MAPK10: variants seen among roughly 807,000 people sequenced by gnomAD.
The protein encoded by MAPK10 is mitogen-activated protein kinase 10.
A neutral mutation model predicts 59.3 loss-of-function variants in MAPK10; 25 were observed. That is an observed-to-expected ratio of 0.42 (90% CI 0.31 to 0.59). The LOEUF (loss-of-function observed/expected upper bound fraction) is 0.59. MAPK10 is among the 20% of genes least tolerant of loss of function. The probability of loss-of-function intolerance (pLI) is 0.15; values close to 1 mark genes in which losing one functional copy is unlikely to be tolerated. For missense variants in MAPK10, 351 were observed against 568.9 expected (o/e 0.62, Z 3.90); for synonymous variants, 190 against 200.5 (o/e 0.95, Z 0.44).
At chr4:86,272,406 A>T (rs948238567) in intron 2 of MAPK10, among the ~76,000 whole-genome samples, 2 of 152,024 alleles carry the variant, frequency 1.3e-5, no homozygotes, top group Non-Finnish European at 2.9e-5. Context: ...ATCTCAAGGT[A>T]AAAAATATAT....
intron 1 of MAPK10, among the ~76,000 whole-genome samples, chr4:86,479,517 G>C (rs1037645163): frequency 6.7e-6 from 1 of 149,972 alleles, no homozygotes; most frequent in Non-Finnish European, 1.5e-5. Context: ...CTTCTGTCTA[G>C]TCATACTCCT....
intron 13 of MAPK10, chr4:86,020,640 G>C (rs28865277): frequency 1.3e-5 from 2 of 154,174 alleles, no homozygotes; most frequent in African/African-American, 4.8e-5. Context: ...AGATGTGTTC[G>C]GAGTTTCTTC....
intron 1 of MAPK10, among the ~76,000 whole-genome samples, chr4:86,414,509 C>T (rs368818019): frequency 6.6e-6 from 1 of 152,188 alleles, no homozygotes; most frequent in Non-Finnish European, 1.5e-5. Context: ...AGAGAGTCAG[C>T]AGTAGAAGAA....
At chr4:86,189,488 G>C (rs1291732938) in intron 3 of MAPK10, among the ~76,000 whole-genome samples, 1 of 151,960 alleles carries the variant, frequency 6.6e-6, no homozygotes, top group Non-Finnish European at 1.5e-5. Context: ...GTATTCCTAG[G>C]TATTTTATTC....
rs980686952 is a variant in MAPK10 at position 86,284,866 on chromosome 4, A to G, written c.-7+69664T>C. ...GATTATGAATCCCTTGTGAGTAGGT[A>G]TAGATCTTTAATTCTGTCAAGGGCT... On this transcript the variant is annotated intron_variant, in intron 2 of 13. Coordinates refer to ENST00000641462, the MANE Select transcript of MAPK10 (RefSeq NM_138982.4). 2.0e-5 allele frequency among the ~76,000 whole-genome samples: 3 copies of G among 152,196 alleles called. No homozygotes were observed. The East Asian group carries it at 5.8e-4, about 29-fold the overall frequency.
intron 2 of MAPK10, among the ~76,000 whole-genome samples, chr4:86,224,535 T>C (rs1007423235): frequency 5.3e-5 from 8 of 152,106 alleles, no homozygotes; most frequent in Non-Finnish European, 7.4e-5. Flanking sequence ...AGAGCAACCA[T>C]TGAAGAGCTT....
intron 1 of MAPK10, among the ~76,000 whole-genome samples, chr4:86,506,223 T>C (rs1264767912): frequency 6.6e-6 from 1 of 152,120 alleles, no homozygotes; most frequent in Non-Finnish European, 1.5e-5. Context: ...CCAAGGAATC[T>C]TTTATTGAGG....
At chr4:86,486,654 A>G (rs1222815103) in intron 1 of MAPK10, among the ~76,000 whole-genome samples, 4 of 152,246 alleles carry the variant, frequency 2.6e-5, no homozygotes, top group African/African-American at 4.8e-5. Context: ...AAACTCTGCA[A>G]CTATCATAAT....
chr4:86,151,395 G>A (rs1047125978), intron 4 of MAPK10, among the ~76,000 whole-genome samples: 2 of 152,180 alleles, frequency 1.3e-5, no homozygotes, highest in Admixed American at 1.3e-4. Flanking sequence ...CAAAATGGTT[G>A]CTGAGCAGGA....
chr4:86,055,397 T>C (rs2044362835), intron 11 of MAPK10, among the ~76,000 whole-genome samples: 1 of 149,928 alleles, frequency 6.7e-6, no homozygotes, highest in South Asian at 2.1e-4. Flanking sequence ...TTTTTGAGAA[T>C]AAGCCCTTTA....
chr4:86,119,316 A>G (rs1274553090), intron 4 of MAPK10, among the ~76,000 whole-genome samples: 1 of 152,166 alleles, frequency 6.6e-6, no homozygotes, highest in Non-Finnish European at 1.5e-5. Context: ...TAAAAAGCCA[A>G]TAGGGCCGGG....
At chr4:86,023,893 C>T (rs953430192) in intron 13 of MAPK10, 56 of 135,326 alleles carry the variant, frequency 4.1e-4, no homozygotes, top group African/African-American at 1.4e-3. Context: ...TGGAACCAGG[C>T]GATTATGATA....
At chr4:86,499,129 A>G (rs1185240021) in intron 1 of MAPK10, among the ~76,000 whole-genome samples, 7 of 152,236 alleles carry the variant, frequency 4.6e-5, no homozygotes, top group Non-Finnish European at 5.9e-5. Context: ...AGCCATTACT[A>G]TGCTTTCAAA....
intron 2 of MAPK10, among the ~76,000 whole-genome samples, chr4:86,213,971 T>C (rs1599313): frequency 0.33 from 49,884 of 151,796 alleles, 11,145 homozygotes; most frequent in African/African-American, 0.64. Context: ...AAATCCTCAA[T>C]AAAATATTGA....
At chr4:86,579,679 A>T (rs1367479479) in intron 1 of MAPK10, among the ~76,000 whole-genome samples, 1 of 152,230 alleles carries the variant, frequency 6.6e-6, no homozygotes, top group Non-Finnish European at 1.5e-5. Context: ...AACTGAGAAA[A>T]TTTAATTCCA....
intron 1 of MAPK10, among the ~76,000 whole-genome samples, chr4:86,561,919 A>T (rs1760708920): frequency 6.6e-6 from 1 of 152,144 alleles, no homozygotes; most frequent in Admixed American, 6.6e-5. Flanking sequence ...CTTAATTTGG[A>T]CATTTACCAC....
intron 1 of MAPK10, among the ~76,000 whole-genome samples, chr4:86,527,893 C>G (rs1373060694): frequency 6.6e-6 from 1 of 152,136 alleles, no homozygotes. Flanking sequence ...AGTGAATTAA[C>G]ACAGGAACAG....
At chr4:86,410,395 A>G (rs553696528) in intron 1 of MAPK10, among the ~76,000 whole-genome samples, 1 of 152,330 alleles carries the variant, frequency 6.6e-6, no homozygotes, top group South Asian at 2.1e-4. Flanking sequence ...AGACTTTTGT[A>G]TCAGGATGAT....
intron 2 of MAPK10, chr4:86,277,223 C>T (rs962249903): frequency 2.6e-5 from 4 of 151,918 alleles, no homozygotes; most frequent in Non-Finnish European, 5.9e-5. Context: ...CCTCCGACTC[C>T]CTGGTTGAAG....
Sources: gnomAD v4.1 joint callset for allele counts (sites outside exome capture counted in the v4.1 genomes callset) on GRCh38, gnomAD v4.1.1 for gene constraint, MANE v1.5 for transcripts, NCBI Gene and HGNC (gene_info 2026-07-23, HGNC 2026-07-21) for gene names.